The following RNF216 variants were observed in gnomAD, a reference collection of about 807,000 sequenced individuals.
RNF216 encodes the protein E3 ubiquitin-protein ligase RNF216.
A neutral mutation model predicts 110.8 loss-of-function variants in RNF216; 72 were observed. The observed-to-expected ratio is 0.65, with a 90% CI of 0.54 to 0.79. The LOEUF is 0.79. Among genes scored for constraint, RNF216 ranks in the 30% least tolerant of loss-of-function variants. RNF216 has a pLI of 0.00. For missense variants in RNF216, 1,342 were observed against 1,141.2 expected (o/e 1.18, Z -2.54); for synonymous variants, 495 against 407.5 (o/e 1.21, Z -2.59).
At chr7:5,726,367 T>A (rs544326132) in intron 7 of RNF216, among the ~76,000 whole-genome samples, 4 of 152,268 alleles carry the variant, frequency 2.6e-5, no homozygotes, top group Non-Finnish European at 5.9e-5. Context: ...AGGCAAATCT[T>A]CCATGTTGTT....
chr7:5,624,209 G>T lies in RNF216; in HGVS notation c.2383-84C>A. On this transcript the variant is annotated intron_variant, in intron 15 of 16. Coordinates refer to ENST00000389902, the MANE Select transcript of RNF216 (RefSeq NM_207111.4). This position sits in a 1 kb window ranked among gnomAD's most constrained non-coding sequence, Gnocchi z 4.4. ...TGGGACAGTGAGGAGGCCGCTTGTT[G>T]CTTATGGCCATGGAACAAGCCCGAA... The T allele has an allele frequency of 8.6e-7, 1 of 1,161,336 alleles. No individual in the cohort carries two copies. Among genetic ancestry groups the T allele is most frequent in the Non-Finnish European group, 1.3e-6 (1 of 795,966 alleles). 71.9% of individuals were successfully genotyped at this position (1,161,336 alleles called of 1,614,324 possible).
At chr7:5,760,532 A>C (rs1374476617) in intron 2 of RNF216, 1 of 328,560 alleles carries the variant, frequency 3.0e-6, no homozygotes. Flanking sequence ...GAAAAAAAAA[A>C]AACAAAACAA....
At chr7:5,774,273 GT>G (rs1200864343) in intron 1 of RNF216, among the ~76,000 whole-genome samples, 3 of 152,130 alleles carry the variant, frequency 2.0e-5, no homozygotes, top group Non-Finnish European at 2.9e-5. Flanking sequence ...GAATACAGTT[GT>G]TTTAAAATTA....
chr7:5,692,660 C>G (rs1293641217), intron 13 of RNF216, among the ~76,000 whole-genome samples: 2 of 152,132 alleles, frequency 1.3e-5, no homozygotes, highest in Non-Finnish European at 2.9e-5. Context: ...GCCTCCAGCC[C>G]GAGGCAAGGC....
At chr7:5,669,283 G>C (rs776597824) in intron 13 of RNF216, among the ~76,000 whole-genome samples, 1 of 152,278 alleles carries the variant, frequency 6.6e-6, no homozygotes, top group South Asian at 2.1e-4. Context: ...TCCAGGTCTT[G>C]GTTTTGCTGA....
At chr7:5,686,068 C>A (rs1488009829) in intron 13 of RNF216, among the ~76,000 whole-genome samples, 2 of 151,442 alleles carry the variant, frequency 1.3e-5, no homozygotes, top group Non-Finnish European at 2.9e-5. Context: ...ACTAAAAATG[C>A]AAAAATTAGC....
At chr7:5,722,819 C>G (rs1190582121) in intron 8 of RNF216, among the ~76,000 whole-genome samples, 1 of 151,496 alleles carries the variant, frequency 6.6e-6, no homozygotes, top group African/African-American at 2.4e-5. Context: ...GTTAGGAGTT[C>G]GAGACCAACC....
intron 14 of RNF216, among the ~76,000 whole-genome samples, chr7:5,641,894 G>A (rs979790799): frequency 2.0e-5 from 3 of 151,848 alleles, no homozygotes; most frequent in Admixed American, 6.6e-5. Context: ...TTTGCCAGGC[G>A]TGGTAGTGCA....
intron 15 of RNF216, among the ~76,000 whole-genome samples, chr7:5,633,859 A>G (rs987489379): frequency 1.3e-5 from 2 of 152,226 alleles, no homozygotes; most frequent in Non-Finnish European, 2.9e-5. Context: ...AGAGGTTTTA[A>G]TTAAGAAGAG....
chr7:5,646,460 G>T lies in RNF216; in HGVS notation c.2160-5084C>A, dbSNP rs550611062. On this transcript the variant is annotated intron_variant, in intron 14 of 16. Coordinates refer to ENST00000389902, the MANE Select transcript of RNF216 (RefSeq NM_207111.4). ...TGTAATCCCAGCACCTTGGGAGGCA[G>T]AGGCGGGCAGATAATGAGGTCCGGA... Among the ~76,000 whole-genome samples the T allele has an allele frequency of 3.8e-4, 58 of 152,242 alleles. 1 individual carries two copies. The highest frequency in any genetic ancestry group is 1.4e-3 in the African/African-American group (58 of 41,560).
chr7:5,726,479 T>C (rs572334106), intron 7 of RNF216, among the ~76,000 whole-genome samples: 3 of 152,206 alleles, frequency 2.0e-5, no homozygotes, highest in Non-Finnish European at 4.4e-5. Flanking sequence ...GATGCTGGAG[T>C]TCAAAATCCT....
intron 15 of RNF216, among the ~76,000 whole-genome samples, chr7:5,628,667 G>C (rs1454127253): frequency 6.7e-6 from 1 of 148,496 alleles, no homozygotes; most frequent in Non-Finnish European, 1.5e-5. Flanking sequence ...GACTACAGGC[G>C]CCCACCACCA....
intron 14 of RNF216, among the ~76,000 whole-genome samples, chr7:5,651,359 T>G (rs907850123): frequency 6.6e-6 from 1 of 152,054 alleles, no homozygotes; most frequent in African/African-American, 2.4e-5. Context: ...CCCAAGTAGC[T>G]GGGACTACAG....
chr7:5,689,277 T>C (rs531875670), intron 13 of RNF216, among the ~76,000 whole-genome samples: 3 of 149,676 alleles, frequency 2.0e-5, no homozygotes, highest in South Asian at 2.1e-4. Flanking sequence ...TTGTGAGGTA[T>C]AGGAAAAGTG....
intron 2 of RNF216, among the ~76,000 whole-genome samples, chr7:5,755,923 C>T (rs1795612982): frequency 1.3e-5 from 2 of 152,232 alleles, no homozygotes; most frequent in East Asian, 1.9e-4. Flanking sequence ...TAGTACGTTG[C>T]TTCACGTCCT....
chr7:5,694,108 G>C (rs1791489929), intron 13 of RNF216, among the ~76,000 whole-genome samples: 1 of 152,190 alleles, frequency 6.6e-6, no homozygotes, highest in Non-Finnish European at 1.5e-5. Context: ...TTAGCTCTTT[G>C]ATAGATCAAG....
At position 5,675,266 on chromosome 7, in the gene RNF216, G is replaced by C. The variant is rs148672800; in HGVS notation, c.2062-22756C>G. On this transcript the variant is annotated intron_variant, in intron 13 of 16. Coordinates refer to ENST00000389902, the MANE Select transcript of RNF216 (RefSeq NM_207111.4). ...TCAATTCTTATCCCTCTGCACACAC[G>C]CTAGGTTCTGCACAGACAAGAATTA... 4.4e-3 allele frequency among the ~76,000 whole-genome samples: 666 copies of C among 152,250 alleles called. 4 individuals carry two copies. The highest frequency in any genetic ancestry group is 0.015 in the African/African-American group (638 of 41,532).
At chr7:5,646,383 C>T (rs1788049673) in intron 14 of RNF216, among the ~76,000 whole-genome samples, 1 of 148,270 alleles carries the variant, frequency 6.7e-6, no homozygotes, top group South Asian at 2.2e-4. Context: ...CAAAACAAAA[C>T]AAAACAAAAC....
intron 5 of RNF216, among the ~76,000 whole-genome samples, chr7:5,734,980 A>C (rs1001561008): frequency 1.5e-4 from 23 of 151,582 alleles, no homozygotes; most frequent in Admixed American, 6.6e-4. Flanking sequence ...GTGAAACCCT[A>C]TCTCTACTAA....
Sources: allele counts gnomAD v4.1 joint callset (sites outside exome capture counted in the v4.1 genomes callset), GRCh38; gene constraint gnomAD v4.1.1; non-coding constraint Gnocchi (gnomAD v3.1); transcripts MANE v1.5; gene names NCBI Gene and HGNC (gene_info 2026-07-23, HGNC 2026-07-21).